The following ARFGEF2 variants were observed in gnomAD, a reference collection of about 807,000 sequenced individuals.
ARFGEF2 encodes ARF guanine nucleotide exchange factor 2, also known as brefeldin A-inhibited guanine nucleotide-exchange protein 2.
In ARFGEF2, 74 loss-of-function variants were observed where a neutral mutation model predicts 219.9. The observed-to-expected ratio is 0.34, with a 90% CI of 0.28 to 0.41. ARFGEF2 has a LOEUF of 0.41. Ranked by LOEUF, ARFGEF2 falls within the 10% of genes least tolerant of loss-of-function variation. The pLI is 1.00. For missense variants in ARFGEF2, 1,743 were observed against 2,218.3 expected (o/e 0.79, Z 4.30); for synonymous variants, 733 against 799.2 (o/e 0.92, Z 1.40).
In ARFGEF2 at chr20:48,953,763, C is replaced by G. The variant is rs143570842; in HGVS notation, c.811C>G (p.Pro271Ala). ...AGTAAGCACAGAAAATGGAGACGCA[C>G]CCAGAGAAAGAGGCTCATCACTGTC... The part of the protein sequence containing the change: ...GKVSTENGDA[P>A]RERGSSLSGT... Residue 271 changes from proline to alanine, a missense_variant, in exon 6 of 39, where the codon CCC becomes GCC. By Grantham distance (27) the Pro-to-Ala change is conservative. Coordinates refer to ENST00000371917, the MANE Select transcript of ARFGEF2 (RefSeq NM_006420.3). The G allele has an allele frequency of 2.7e-3, 4,416 of 1,614,064 alleles. 7 individuals are homozygous for G. Among genetic ancestry groups the G allele is most frequent in the Non-Finnish European group, 3.6e-3 (4,205 of 1,179,986 alleles).
chr20:48,942,123 T>G, intron 3 of ARFGEF2, 136 bp downstream of exon 3: 2 of 1,241,400 alleles, frequency 1.6e-6, no homozygotes, highest in Non-Finnish European at 2.3e-6. Flanking sequence ...TTTAACGTAT[T>G]CTTTTTGGAG....
At chr20:48,924,511 C>CAAA (rs11476973) in intron 1 of ARFGEF2, among the ~76,000 whole-genome samples, 39 of 78,390 alleles carry the variant, frequency 5.0e-4, no homozygotes, top group East Asian at 1.0e-3. Context: ...GACTCTGTCT[C>CAAA]AAAAAAAAAA....
Position 49,005,165 on chromosome 20 carries a change from C to A in ARFGEF2, c.3528C>A (p.Asn1176Lys). The A allele has an allele frequency of 4.3e-6, 7 of 1,614,206 alleles. No homozygotes were observed. Among genetic ancestry groups the A allele is most frequent in the Non-Finnish European group, 5.9e-6 (7 of 1,180,038 alleles). Residue 1176 changes from asparagine to lysine, a missense_variant, in exon 26 of 39, where the codon AAC becomes AAA. Physicochemically the swap from Asn to Lys is moderately conservative, Grantham distance 94. Coordinates refer to ENST00000371917, the MANE Select transcript of ARFGEF2 (RefSeq NM_006420.3). Reference sequence around the variant, plus strand: ...TTCTTGAGAAGGGTGAATTAGCCAACTTCCGTTTCCAGAAAGATTTTCTGA... The same window carrying A: ...TTCTTGAGAAGGGTGAATTAGCCAAATTCCGTTTCCAGAAAGATTTTCTGA... ...MKFLEKGELA[N>K]FRFQKDFLRP... is the part of the protein sequence containing the mutation.
intron 36 of ARFGEF2, 106 bp downstream of exon 36, chr20:49,025,587 A>C: frequency 7.9e-7 from 1 of 1,273,226 alleles, no homozygotes; most frequent in East Asian, 2.4e-5. Context: ...AGAATAACTT[A>C]ACAGATATTT....
chr20:48,999,545 A>G (rs1470627604), intron 25 of ARFGEF2, among the ~76,000 whole-genome samples: 1 of 152,104 alleles, frequency 6.6e-6, no homozygotes, highest in African/African-American at 2.4e-5. Flanking sequence ...CAGGAGATCG[A>G]GACCGTCCTG....
In ARFGEF2 at chr20:48,986,728, C is replaced by T. The variant is rs571191463; in HGVS notation, c.2276+1115C>T. ...GAAACTATTTTTTTTGAGACAGGGT[C>T]TTGCTCTCTTGCCCAGGTTGAAGTA... On this transcript the variant is annotated intron_variant, in intron 16 of 38. Coordinates refer to ENST00000371917, the MANE Select transcript of ARFGEF2 (RefSeq NM_006420.3). Among the ~76,000 whole-genome samples the T allele has an allele frequency of 8.5e-5, 13 of 152,190 alleles. No homozygotes were observed. The South Asian group carries it at 2.7e-3, about 32-fold the overall frequency.
intron 25 of ARFGEF2, among the ~76,000 whole-genome samples, chr20:49,002,566 G>A (rs1236542438): frequency 3.3e-5 from 5 of 152,182 alleles, no homozygotes; most frequent in Admixed American, 2.6e-4. Flanking sequence ...CATCTGTGTT[G>A]TAGCGTGTAT....
intron 1 of ARFGEF2, among the ~76,000 whole-genome samples, chr20:48,940,261 A>G (rs780566058): frequency 2.6e-5 from 4 of 152,250 alleles, no homozygotes; most frequent in African/African-American, 7.2e-5. Context: ...CCTTAGCACA[A>G]TGTGAATGTA....
intron 26 of ARFGEF2, among the ~76,000 whole-genome samples, chr20:49,007,592 CTTTTTTT>C (rs752508908): frequency 2.0e-5 from 2 of 97,868 alleles, no homozygotes; most frequent in South Asian, 4.2e-4. Context: ...CCTGGTGTTG[CTTTTTTT>C]TTTTTTTTTT....
At chr20:48,932,888 G>A (rs1055691872) in intron 1 of ARFGEF2, among the ~76,000 whole-genome samples, 1 of 152,132 alleles carries the variant, frequency 6.6e-6, no homozygotes, top group South Asian at 2.1e-4. Flanking sequence ...GGTTTCTGTG[G>A]GGGAAGCCTG....
chr20:48,998,984 T>C (rs911411060), intron 25 of ARFGEF2, among the ~76,000 whole-genome samples: 1 of 152,200 alleles, frequency 6.6e-6, no homozygotes, highest in African/African-American at 2.4e-5. Context: ...ACGCCTGTAA[T>C]CCCAGCACTT....
intron 34 of ARFGEF2, 100 bp from the exon 35 acceptor site, chr20:49,022,950 TA>T: frequency 1.3e-6 from 2 of 1,519,132 alleles, no homozygotes; most frequent in East Asian, 2.3e-5. Flanking sequence ...CCCCATCTCT[TA>T]AAAAAATAAA....
chr20:49,024,781 C>T (rs1308972084), intron 35 of ARFGEF2, among the ~76,000 whole-genome samples: 2 of 152,084 alleles, frequency 1.3e-5, no homozygotes, highest in African/African-American at 2.4e-5. Context: ...AGGCGGATCA[C>T]GAGGTCGAGT....
chr20:48,947,287 CT>C (rs2091034489), intron 3 of ARFGEF2, among the ~76,000 whole-genome samples: 1 of 151,998 alleles, frequency 6.6e-6, no homozygotes, highest in Admixed American at 6.5e-5. Context: ...ATAATCCCAG[CT>C]ACTTGGGAGG....
At chr20:48,953,023 T>C in intron 5 of ARFGEF2, 139 bp downstream of exon 5, 1 of 908,024 alleles carries the variant, frequency 1.1e-6, no homozygotes, top group Admixed American at 2.3e-5. Flanking sequence ...TACTGTGCTT[T>C]TGTTCTTGCT....
At chr20:49,023,704 A>G (rs1313001302) in intron 35 of ARFGEF2, among the ~76,000 whole-genome samples, 2 of 151,174 alleles carry the variant, frequency 1.3e-5, no homozygotes, top group Admixed American at 6.6e-5. Context: ...ACGCCCGGCT[A>G]ATTTTTTGTA....
At chr20:48,951,519 C>G in intron 4 of ARFGEF2, 50 bp downstream of exon 4, 1 of 1,611,416 alleles carries the variant, frequency 6.2e-7, no homozygotes, top group Non-Finnish European at 8.5e-7. Context: ...AAGCAAGTCC[C>G]TGTGGGAATC....
intron 8 of ARFGEF2, among the ~76,000 whole-genome samples, chr20:48,966,391 C>T (rs566828994): frequency 2.0e-5 from 3 of 152,250 alleles, no homozygotes; most frequent in African/African-American, 7.2e-5. Flanking sequence ...ATCCATAACC[C>T]ATAGATTGCC....
chr20:49,028,771 C>A, intron 37 of ARFGEF2, 103 bp downstream of exon 37: 1 of 1,334,772 alleles, frequency 7.5e-7, no homozygotes, highest in Non-Finnish European at 1.0e-6. Flanking sequence ...CATGCTGACA[C>A]TCTGACAAAT....
Sources: allele counts gnomAD v4.1 joint callset (sites outside exome capture counted in the v4.1 genomes callset), GRCh38; gene constraint gnomAD v4.1.1; transcripts MANE v1.5; gene names NCBI Gene and HGNC (gene_info 2026-07-23, HGNC 2026-07-21).